HYDIN: variants seen among roughly 807,000 people sequenced by gnomAD.
The protein encoded by HYDIN is axonemal central pair apparatus protein HYDIN.
Under a neutral mutation model 403.9 loss-of-function variants are expected in HYDIN, and 132 were observed. The ratio of observed to expected loss-of-function variants is 0.33; its 90% CI spans 0.28 to 0.38. The LOEUF is 0.38. HYDIN is among the 10% of genes least tolerant of loss of function. The pLI is 1.00. For missense variants in HYDIN, 2,827 were observed against 5,009.5 expected (o/e 0.56, Z 13.15); for synonymous variants, 1,202 against 1,891.7 (o/e 0.64, Z 9.46).
intron 10 of HYDIN, among the ~76,000 whole-genome samples, chr16:71,101,579 A>G (rs1189973922): frequency 2.0e-5 from 3 of 150,886 alleles, no homozygotes; most frequent in Admixed American, 1.3e-4. Flanking sequence ...CCAATATAAC[A>G]TGCTATTTTC....
At chr16:70,830,829 G>A (rs553969569) in intron 80 of HYDIN, among the ~76,000 whole-genome samples, 1 of 152,284 alleles carries the variant, frequency 6.6e-6, no homozygotes, top group African/African-American at 2.4e-5. Context: ...GGGAGCTCAG[G>A]TTTCATACAT....
At position 70,807,664 on chromosome 16, in the gene HYDIN, G is replaced by A. The variant is rs750895300; in HGVS notation, c.15282C>T (p.Thr5094=). Residue 5094 remains threonine, a synonymous_variant, in exon 86 of 86, where the codon ACC becomes ACT. Transcript: ENST00000393567. ...NPSGSKTPIT[T]KLTVSCPPGE... ...CAGGAGGGCAGCTCACAGTCAGCTT[G>A]GTGGTGATGGGGGTTTTGCTGCCAG... 1 of 1,614,050 alleles carries A rather than the reference G, an allele frequency of 6.2e-7. No homozygotes were observed. Among genetic ancestry groups the A allele is most frequent in the Non-Finnish European group, 8.5e-7 (1 of 1,180,034 alleles).
rs1452521644 is a variant in HYDIN, at chr16:71,227,709, C to A, written c.-24+2853G>T. 2.6e-5 allele frequency among the ~76,000 whole-genome samples: 4 copies of A among 152,166 alleles called. No homozygotes were observed. The East Asian group carries it at 7.7e-4, about 29-fold the overall frequency. ...TTCCATGCTCATGGATAGGAATAAT[C>A]AATATCGTGAAAATGGCCATACTGC... On this transcript the variant is annotated intron_variant, in intron 1 of 85. Coordinates refer to ENST00000393567, the MANE Select transcript of HYDIN (RefSeq NM_001270974.2).
chr16:70,947,687 G>A (rs2077919005), intron 41 of HYDIN, among the ~76,000 whole-genome samples: 2 of 152,086 alleles, frequency 1.3e-5, no homozygotes, highest in Non-Finnish European at 2.9e-5. Flanking sequence ...GCCAAACCAT[G>A]AGTGAACTCC....
chr16:71,116,182 T>C (rs1173078710), intron 9 of HYDIN, among the ~76,000 whole-genome samples: 1 of 150,888 alleles, frequency 6.6e-6, no homozygotes, highest in African/African-American at 2.4e-5. Context: ...CACCCTCTGA[T>C]GCCTGGTAAC....
intron 1 of HYDIN, among the ~76,000 whole-genome samples, chr16:71,203,260 C>A (rs2088114693): frequency 6.6e-6 from 1 of 152,112 alleles, no homozygotes; most frequent in African/African-American, 2.4e-5. Context: ...ATCTTTTGAT[C>A]CTGTGAACCA....
chr16:71,139,092 GAAGAA>G (rs1306203567), intron 7 of HYDIN, among the ~76,000 whole-genome samples: 23 of 40,522 alleles, frequency 5.7e-4, no homozygotes, highest in African/African-American at 1.4e-3. Context: ...CTCAAATAAA[GAAGAA>G]AAAAAAAAAA....
At chr16:71,071,802 G>C (rs560210633) in intron 13 of HYDIN, among the ~76,000 whole-genome samples, 1 of 152,270 alleles carries the variant, frequency 6.6e-6, no homozygotes, top group Admixed American at 6.5e-5. Context: ...TATCTAATGA[G>C]AGTATTAAAT....
Position 71,094,370 on chromosome 16 carries a change from A to G in HYDIN, c.1328-435T>C, listed in dbSNP as rs181562419. ...CAACAGTCACATGGGTATAACAGTT[A>G]TGAGCATACAAGCTGTATTTATAAA... On this transcript the variant is annotated intron_variant, in intron 10 of 85. Coordinates refer to ENST00000393567, the MANE Select transcript of HYDIN (RefSeq NM_001270974.2). Among the ~76,000 whole-genome samples the G allele has an allele frequency of 2.6e-5, 4 of 152,378 alleles. No homozygotes were observed. In the East Asian group the frequency reaches 7.7e-4, roughly 29 times the overall value.
chr16:71,077,467 T>C (rs1376601148), intron 13 of HYDIN, among the ~76,000 whole-genome samples: 1 of 152,234 alleles, frequency 6.6e-6, no homozygotes, highest in Non-Finnish European at 1.5e-5. Context: ...AATATCTTGC[T>C]AAACTCTTAT....
intron 1 of HYDIN, among the ~76,000 whole-genome samples, chr16:71,210,630 C>A (rs1325867872): frequency 6.6e-6 from 1 of 151,828 alleles, no homozygotes; most frequent in African/African-American, 2.4e-5. Flanking sequence ...ATATAACAAG[C>A]CACACATGTA....
rs565535156 is a variant in HYDIN, at chr16:71,136,979, G to A, written c.1043+172C>T. On this transcript the variant is annotated intron_variant, in intron 8 of 85. Coordinates refer to ENST00000393567, the MANE Select transcript of HYDIN (RefSeq NM_001270974.2). The stretch of plus-strand genomic sequence containing the variant: ...TGTTCCACATAGCTCAGCTCAGATC[G>A]TTCAAATGAGCAGCTTCAAAAGAGG... Among the ~76,000 whole-genome samples, 16 of 149,442 alleles carry A rather than the reference G, an allele frequency of 1.1e-4. No individual in the cohort carries two copies. The South Asian group carries it at 3.5e-3, about 33-fold the overall frequency.
chr16:71,141,170 C>G (rs2085153656), intron 7 of HYDIN, among the ~76,000 whole-genome samples: 1 of 146,326 alleles, frequency 6.8e-6, no homozygotes, highest in African/African-American at 2.5e-5. Flanking sequence ...GAAGTCAAAA[C>G]AGACCCAAAT....
chr16:71,031,134 A>T (rs1335929883), intron 19 of HYDIN, among the ~76,000 whole-genome samples: 1 of 141,346 alleles, frequency 7.1e-6, no homozygotes, highest in Non-Finnish European at 1.5e-5. Context: ...CGGGAGGCGG[A>T]GCTTGCAGTG....
Position 71,190,755 on chromosome 16 carries a change from C to T in HYDIN, c.-23-3837G>A, listed in dbSNP as rs562221111. ...TAACACTAAAAGAGTAAAACACAGGCATTATGTGCCTCCTGATGTGACGCA... is the reference window on the plus strand; with the variant it reads ...TAACACTAAAAGAGTAAAACACAGGTATTATGTGCCTCCTGATGTGACGCA... On this transcript the variant is annotated intron_variant, in intron 1 of 85. Transcript: ENST00000393567. 9.2e-5 allele frequency among the ~76,000 whole-genome samples: 14 copies of T among 152,260 alleles called. No individual in the cohort carries two copies. In the East Asian group the frequency reaches 2.5e-3, roughly 27 times the overall value.
chr16:71,061,170 C>G (rs2082065895), intron 17 of HYDIN, among the ~76,000 whole-genome samples: 1 of 146,860 alleles, frequency 6.8e-6, no homozygotes, highest in South Asian at 2.3e-4. Context: ...TTTTCTTTCA[C>G]AAAGTTCTGG....
chr16:70,989,578 T>C (rs933621086), intron 25 of HYDIN, among the ~76,000 whole-genome samples: 4 of 152,294 alleles, frequency 2.6e-5, no homozygotes, highest in African/African-American at 9.6e-5. Context: ...GATTTTTCAG[T>C]TGACCTAATA....
At chr16:70,965,540 T>C (rs1240951940) in intron 36 of HYDIN, among the ~76,000 whole-genome samples, 2 of 152,138 alleles carry the variant, frequency 1.3e-5, no homozygotes, top group Non-Finnish European at 2.9e-5. Flanking sequence ...AGCCTGTATT[T>C]TTTTCTCCTA....
rs538308277 is a variant in HYDIN, at chr16:70,908,880, T to C, written c.8005-19A>G. ...CTTGAGCCTTAATTAAAAACGAGCA[T>C]GAGGTCTTAAATATTCACTTTTTGT... is the stretch of plus-strand genomic sequence containing the variant. On this transcript the variant is annotated intron_variant, in intron 47 of 85. Coordinates refer to ENST00000393567, the MANE Select transcript of HYDIN (RefSeq NM_001270974.2). 4.3e-6 allele frequency: 7 copies of C among 1,609,972 alleles called. No individual in the cohort carries two copies. The highest frequency in any genetic ancestry group is 5.9e-6 in the Non-Finnish European group (7 of 1,178,950).
Sources: gnomAD v4.1 joint callset for allele counts (sites outside exome capture counted in the v4.1 genomes callset) on GRCh38, gnomAD v4.1.1 for gene constraint, MANE v1.5 for transcripts, NCBI Gene and HGNC (gene_info 2026-07-23, HGNC 2026-07-21) for gene names.